The following RASA2 variants were observed in gnomAD, a reference collection of about 807,000 sequenced individuals.
The protein encoded by RASA2 is RAS p21 protein activator 2.
In RASA2, 155 loss-of-function variants were observed where a neutral mutation model predicts 118.2. The ratio of observed to expected loss-of-function variants is 1.31; its 90% CI spans 1.15 to 1.50. RASA2 has a LOEUF of 1.50. RASA2 is among the 40% of genes most tolerant of loss of function. RASA2 has a pLI of 0.00. For missense variants in RASA2, 1,016 were observed against 1,009.6 expected (o/e 1.01, Z -0.09); for synonymous variants, 353 against 349.1 (o/e 1.01, Z -0.12).
rs772060646 is a variant in RASA2 at position 141,586,072 on chromosome 3, G to C, written c.1800G>C (p.Thr600=). The change falls in exon 18 of 24, where the codon ACG becomes ACC. Residue 600 remains threonine, a synonymous_variant. Coordinates refer to ENST00000286364, the MANE Select transcript of RASA2 (RefSeq NM_006506.5). ...CTGAAACTAAAGAGTCCAGTGGTAC[G>C]AGTGAGCCTGTGCACCTGAAAGAAG... ...SSTETKESSG[T]SEPVHLKEGE... is the part of the protein sequence containing the mutation. The C allele has an allele frequency of 2.5e-6, 4 of 1,610,372 alleles. No individual in the cohort carries two copies. Among genetic ancestry groups the C allele is most frequent in the Non-Finnish European group, 3.4e-6 (4 of 1,176,980 alleles).
At chr3:141,579,307 T>C (rs2083062738) in intron 15 of RASA2, 1 of 152,228 alleles carries the variant, frequency 6.6e-6, no homozygotes, top group Non-Finnish European at 1.5e-5. Flanking sequence ...CAGCAGGGTA[T>C]TCATTTAATA....
chr3:141,572,749 T>C (rs376529386), intron 12 of RASA2, 26 bp downstream of exon 12: 7 of 1,484,232 alleles, frequency 4.7e-6, no homozygotes, highest in African/African-American at 4.2e-5. Context: ...CCAACAATGA[T>C]AGTTTGTGGC....
rs550169216 is a variant in RASA2, at chr3:141,534,947, G to A, written c.450+5145G>A. Among the ~76,000 whole-genome samples, 6 of 152,110 alleles carry A rather than the reference G, an allele frequency of 3.9e-5. No individual in the cohort carries two copies. The South Asian group carries it at 8.3e-4, about 21-fold the overall frequency. On this transcript the variant is annotated intron_variant, in intron 4 of 23. Coordinates refer to ENST00000286364, the MANE Select transcript of RASA2 (RefSeq NM_006506.5). ...AATCATTTATAGAGGTAATTTCTAC[G>A]TATTAAAACATCCATCAGAAACTCC...
intron 4 of RASA2, among the ~76,000 whole-genome samples, chr3:141,535,209 A>G (rs2082310615): frequency 6.6e-6 from 1 of 152,220 alleles, no homozygotes; most frequent in Admixed American, 6.5e-5. Context: ...TATTTAAGAC[A>G]TATTGCACAC....
At position 141,610,085 on chromosome 3, in the gene RASA2, A is replaced by G. The variant is rs371574319; in HGVS notation, c.2519+19A>G. On this transcript the variant is annotated intron_variant, in intron 23 of 23. Transcript: ENST00000286364. ...GGAGCAAGTGAGTAATTTTTAAGCTATTGTAAACATATTTTTAAACGGAGT... is the reference window on the plus strand; with the variant it reads ...GGAGCAAGTGAGTAATTTTTAAGCTGTTGTAAACATATTTTTAAACGGAGT... 238 of 1,530,270 alleles carry G rather than the reference A, an allele frequency of 1.6e-4. No homozygotes were observed. The highest frequency in any genetic ancestry group is 2.0e-4 in the Non-Finnish European group (225 of 1,134,072). 94.8% of individuals were successfully genotyped at this position (1,530,270 alleles called of 1,614,324 possible).
At chr3:141,554,260 A>T (rs189747488) in intron 6 of RASA2, among the ~76,000 whole-genome samples, 72 of 152,314 alleles carry the variant, frequency 4.7e-4, no homozygotes, top group Non-Finnish European at 8.8e-4. Context: ...TACTTTTCAA[A>T]TATCCTGAAT....
At chr3:141,554,261 T>A (rs182694943) in intron 6 of RASA2, among the ~76,000 whole-genome samples, 110 of 152,320 alleles carry the variant, frequency 7.2e-4, no homozygotes, top group African/African-American at 2.6e-3. Flanking sequence ...ACTTTTCAAA[T>A]ATCCTGAATT....
intron 9 of RASA2, among the ~76,000 whole-genome samples, chr3:141,564,062 A>G (rs915293119): frequency 6.6e-6 from 1 of 151,986 alleles, no homozygotes; most frequent in South Asian, 2.1e-4. Flanking sequence ...ACAAGTTTAG[A>G]AAGTATGGCA....
chr3:141,523,214 C>T (rs1168584839), intron 3 of RASA2, among the ~76,000 whole-genome samples: 4 of 151,948 alleles, frequency 2.6e-5, no homozygotes, highest in Non-Finnish European at 5.9e-5. Context: ...CTGCAACCTC[C>T]GCCTCCTGGT....
At chr3:141,599,441 A>C (rs1274037562) in intron 19 of RASA2, among the ~76,000 whole-genome samples, 1 of 152,084 alleles carries the variant, frequency 6.6e-6, no homozygotes, top group East Asian at 1.9e-4. Context: ...AAAAGTACAA[A>C]AGTTTTAAAT....
chr3:141,601,395 A>G (rs1251547430), intron 19 of RASA2, among the ~76,000 whole-genome samples: 1 of 152,046 alleles, frequency 6.6e-6, no homozygotes, highest in Admixed American at 6.6e-5. Flanking sequence ...AGATGGCATC[A>G]CTGCGCTCCA....
At chr3:141,530,011 G>C (rs190798253) in intron 4 of RASA2, among the ~76,000 whole-genome samples, 42 of 152,236 alleles carry the variant, frequency 2.8e-4, no homozygotes, top group Middle Eastern at 3.4e-3. Flanking sequence ...ATGCATATGT[G>C]TAGATTTGTG....
At chr3:141,545,434 G>A in intron 5 of RASA2, among the ~76,000 whole-genome samples, 1 of 151,564 alleles carries the variant, frequency 6.6e-6, no homozygotes, top group South Asian at 2.1e-4. Flanking sequence ...AGCAGGAACA[G>A]GAGAGAGAGT....
At chr3:141,498,098 T>TG (rs1254587831) in intron 1 of RASA2, among the ~76,000 whole-genome samples, 4 of 152,186 alleles carry the variant, frequency 2.6e-5, no homozygotes, top group Non-Finnish European at 4.4e-5. Context: ...TCTTGGTAGA[T>TG]GGGGTGAACT....
intron 19 of RASA2, among the ~76,000 whole-genome samples, chr3:141,603,319 C>T (rs2083495485): frequency 6.6e-6 from 1 of 151,898 alleles, no homozygotes; most frequent in Admixed American, 6.6e-5. Flanking sequence ...GCCCGTAATC[C>T]CACTACTTTA....
chr3:141,609,522 A>G lies in RASA2; in HGVS notation c.2328A>G (p.Glu776=). Residue 776 remains glutamate, a splice_region_variant and synonymous_variant, in exon 22 of 24, where the codon GAA becomes GAG. Transcript: ENST00000286364. ...TLSLLKLQKM[E]EACGTIAVYQ... ...GTTTACTTAAGCTGCAGAAGATGGA[A>G]GGTAAATACACAATCTATTTTTATA... The G allele has an allele frequency of 6.5e-7, 1 of 1,549,624 alleles. No homozygotes were observed. Among genetic ancestry groups the G allele is most frequent in the Non-Finnish European group, 8.9e-7 (1 of 1,124,652 alleles).
At chr3:141,553,032 T>C (rs1385823807) in intron 5 of RASA2, among the ~76,000 whole-genome samples, 1 of 152,080 alleles carries the variant, frequency 6.6e-6, no homozygotes, top group Non-Finnish European at 1.5e-5. Flanking sequence ...AGCCATGGAG[T>C]AGATTAGATG....
chr3:141,612,108 A>G (rs1040006178), intron 23 of RASA2, among the ~76,000 whole-genome samples, 175 bp from the exon 24 acceptor site: 11 of 152,190 alleles, frequency 7.2e-5, no homozygotes, highest in African/African-American at 2.7e-4. Context: ...TAAGTTCTAC[A>G]CTAGGGTCTA....
intron 9 of RASA2, among the ~76,000 whole-genome samples, chr3:141,562,104 C>T (rs760040821): frequency 4.6e-5 from 7 of 151,814 alleles, no homozygotes; most frequent in Non-Finnish European, 8.8e-5. Context: ...AGGCACACAC[C>T]ACCATGCCGA....
Sources: gnomAD v4.1 joint callset for allele counts (sites outside exome capture counted in the v4.1 genomes callset) on GRCh38, gnomAD v4.1.1 for gene constraint, MANE v1.5 for transcripts, NCBI Gene and HGNC (gene_info 2026-07-23, HGNC 2026-07-21) for gene names.